Variants in ITGA8 observed in about 807,000 individuals in gnomAD.
The protein encoded by ITGA8 is integrin alpha-8.
A neutral mutation model predicts 142.3 loss-of-function variants in ITGA8; 91 were observed. That is an observed-to-expected ratio of 0.64 (90% CI 0.54 to 0.76). ITGA8 has a LOEUF of 0.76. Among genes scored for constraint, ITGA8 ranks in the 30% least tolerant of loss-of-function variants. The pLI is 0.00. For missense variants in ITGA8, 1,406 were observed against 1,327.7 expected (o/e 1.06, Z -0.92); for synonymous variants, 505 against 485.2 (o/e 1.04, Z -0.54).
chr10:15,587,507 A>G lies in ITGA8; in HGVS notation c.2292-843T>C, dbSNP rs376274656. Among the ~76,000 whole-genome samples, 399 of 152,274 alleles carry G rather than the reference A, an allele frequency of 2.6e-3. 15 individuals carry two copies. The South Asian group carries it at 0.08, about 30-fold the overall frequency. On this transcript the variant is annotated intron_variant, in intron 22 of 29. Transcript: ENST00000378076. ...AGCAATTTCATCTTCCTAACGGTTT[A>G]TTTCTTCAGTTAGTATTAAAATAAG... is the stretch of plus-strand genomic sequence containing the variant.
intron 2 of ITGA8, among the ~76,000 whole-genome samples, chr10:15,689,464 C>A (rs185701470): frequency 1.3e-5 from 2 of 152,258 alleles, no homozygotes; most frequent in East Asian, 1.9e-4. Context: ...AAAAGATGAG[C>A]AGGAGGCCTC....
At chr10:15,615,609 G>C (rs1019600811) in intron 14 of ITGA8, among the ~76,000 whole-genome samples, 2 of 152,100 alleles carry the variant, frequency 1.3e-5, no homozygotes, top group African/African-American at 2.4e-5. Flanking sequence ...GACCTCTCAG[G>C]GTCAAGTGAT....
At chr10:15,562,085 CT>C (rs1259512354) in intron 25 of ITGA8, among the ~76,000 whole-genome samples, 1 of 152,200 alleles carries the variant, frequency 6.6e-6, no homozygotes, top group African/African-American at 2.4e-5. Flanking sequence ...CACCTGGTCT[CT>C]CTCTTGACAC....
chr10:15,577,158 T>C (rs778048424), intron 23 of ITGA8, among the ~76,000 whole-genome samples: 7 of 152,170 alleles, frequency 4.6e-5, no homozygotes, highest in Non-Finnish European at 1.0e-4. Flanking sequence ...TTTATTTATT[T>C]ATTTATTTGC....
intron 6 of ITGA8, among the ~76,000 whole-genome samples, chr10:15,675,480 A>T (rs1034495922): frequency 1.3e-5 from 2 of 152,206 alleles, no homozygotes; most frequent in Non-Finnish European, 2.9e-5. Context: ...TTTTACAGTC[A>T]GTACCACCAT....
intron 26 of ITGA8, among the ~76,000 whole-genome samples, chr10:15,553,302 G>GTTTTTTTTTTTTTTTTTTTTTTTTTT (rs5783451): frequency 7.6e-6 from 1 of 131,140 alleles, no homozygotes; most frequent in Non-Finnish European, 1.7e-5. Context: ...AGTTGCCATA[G>GTTTTTTTTTTTTTTTTTTTTTTTTTT]TTTTTTTTTT....
chr10:15,558,040 T>A (rs1199908051), intron 26 of ITGA8, 34 bp downstream of exon 26: 1 of 1,612,124 alleles, frequency 6.2e-7, no homozygotes, highest in African/African-American at 1.3e-5. Flanking sequence ...AGCCACTCAT[T>A]TCCCTCAGTT....
In ITGA8 at chr10:15,548,591, G is replaced by A. The variant is rs762078929; in HGVS notation, c.2767-23C>T. On this transcript the variant is annotated intron_variant, in intron 26 of 29. Coordinates refer to ENST00000378076, the MANE Select transcript of ITGA8 (RefSeq NM_003638.3). ...ATTCTGCAAACAGCAGTGGGAACACGTCAGAGTCTTTAAATCATGGTAGAG... is the reference window on the plus strand; with the variant it reads ...ATTCTGCAAACAGCAGTGGGAACACATCAGAGTCTTTAAATCATGGTAGAG... 47 of 1,476,500 alleles carry A rather than the reference G, an allele frequency of 3.2e-5. No homozygotes were observed. In the Admixed American group the frequency reaches 3.8e-4, roughly 12 times the overall value. The allele number at this position is 1,476,500 out of a possible 1,614,324, so 91.5% of individuals were successfully genotyped here.
intron 8 of ITGA8, among the ~76,000 whole-genome samples, chr10:15,670,947 G>A (rs1564401668): frequency 6.6e-6 from 1 of 152,088 alleles, no homozygotes; most frequent in Admixed American, 6.6e-5. Flanking sequence ...TTGTCTGTCT[G>A]ACCCCCCACC....
At chr10:15,553,310 T>G (rs1833825770) in intron 26 of ITGA8, among the ~76,000 whole-genome samples, 2 of 151,058 alleles carry the variant, frequency 1.3e-5, no homozygotes, top group South Asian at 4.2e-4. Context: ...TAGTTTTTTT[T>G]TTTTTTTTTT....
chr10:15,704,050 C>G (rs1223390600), intron 2 of ITGA8, among the ~76,000 whole-genome samples: 1 of 152,202 alleles, frequency 6.6e-6, no homozygotes, highest in Non-Finnish European at 1.5e-5. Context: ...ACCCCATTAA[C>G]CAAGCCAGAA....
In ITGA8 at chr10:15,608,423, A is replaced by C. The variant is rs568010407; in HGVS notation, c.1554-133T>G. ...TAATTACACACACACACACACACAC[A>C]CCCACACACACACCCCTTCTACCAA... On this transcript the variant is annotated intron_variant, in intron 15 of 29. Transcript: ENST00000378076. The C allele has an allele frequency of 4.6e-3, 1,733 of 380,752 alleles. 17 individuals are homozygous for C. The highest frequency in any genetic ancestry group is 0.03 in the African/African-American group (1,325 of 44,836). 23.6% of individuals were successfully genotyped at this position (380,752 alleles called of 1,614,324 possible). A position where few individuals can be genotyped will look rare whatever the true frequency, so the allele number is the denominator to read the frequency against.
intron 8 of ITGA8, among the ~76,000 whole-genome samples, chr10:15,665,380 A>T (rs1432624782): frequency 1.3e-5 from 2 of 151,898 alleles, no homozygotes; most frequent in Non-Finnish European, 2.9e-5. Flanking sequence ...TTTTTCTCAT[A>T]AATTTGTTTG....
At chr10:15,652,378 C>T (rs1018685037) in intron 11 of ITGA8, among the ~76,000 whole-genome samples, 4 of 151,454 alleles carry the variant, frequency 2.6e-5, no homozygotes, top group Non-Finnish European at 1.5e-5. Context: ...GGGAAGAGCC[C>T]CTGGTGCTTG....
intron 26 of ITGA8, among the ~76,000 whole-genome samples, chr10:15,553,219 C>A (rs948625232): frequency 2.0e-5 from 3 of 151,458 alleles, no homozygotes; most frequent in Non-Finnish European, 4.4e-5. Flanking sequence ...ATTGCACCAC[C>A]GCACTCCAGC....
chr10:15,522,647 T>C (rs1024409877), intron 28 of ITGA8, among the ~76,000 whole-genome samples: 1 of 152,218 alleles, frequency 6.6e-6, no homozygotes, highest in Admixed American at 6.5e-5. Flanking sequence ...GTGTCAGAGC[T>C]CACCAAAATT....
At chr10:15,568,898 A>G (rs958751878) in intron 25 of ITGA8, among the ~76,000 whole-genome samples, 3 of 152,252 alleles carry the variant, frequency 2.0e-5, no homozygotes, top group African/African-American at 4.8e-5. Context: ...ATTAGGAAGT[A>G]TGTGGGAACT....
intron 2 of ITGA8, among the ~76,000 whole-genome samples, chr10:15,710,023 T>C (rs1835334481): frequency 1.3e-5 from 2 of 152,214 alleles, no homozygotes; most frequent in South Asian, 4.1e-4. Context: ...TTGTTAATCT[T>C]TACAGCACTT....
At chr10:15,535,198 C>G (rs758557518) in intron 27 of ITGA8, among the ~76,000 whole-genome samples, 21 of 152,112 alleles carry the variant, frequency 1.4e-4, no homozygotes, top group Admixed American at 3.3e-4. Context: ...ACCTGCAGCC[C>G]GCCATGCCTG....
Sources: gnomAD v4.1 joint callset for allele counts (sites outside exome capture counted in the v4.1 genomes callset) on GRCh38, gnomAD v4.1.1 for gene constraint, MANE v1.5 for transcripts, NCBI Gene and HGNC (gene_info 2026-07-23, HGNC 2026-07-21) for gene names.